Variants in AFF2 observed in about 807,000 individuals in gnomAD.
AFF2 encodes AF4/FMR2 family member 2.
In AFF2, 14 loss-of-function variants were observed where a neutral mutation model predicts 76.9. The ratio of observed to expected loss-of-function variants is 0.18; its 90% confidence interval spans 0.12 to 0.28. The LOEUF (loss-of-function observed/expected upper bound fraction) is 0.28. AFF2 is among the 10% of genes least tolerant of loss of function. The pLI, the probability that AFF2 is intolerant of heterozygous loss-of-function variation, is 1.00. For synonymous variants in AFF2, 398 were observed against 366.7 expected (o/e 1.09, Z -0.98); for missense variants, 868 against 1,001.1 (o/e 0.87, Z 1.79).
intron 4 of AFF2, among the ~76,000 whole-genome samples, chrX:148,823,293 A>G (rs781923191): frequency 4.5e-5 from 5 of 111,291 alleles, no homozygotes; most frequent in Non-Finnish European, 9.4e-5. Flanking sequence ...CCCTGCCACT[A>G]CCTTATTCTG....
intron 1 of AFF2, among the ~76,000 whole-genome samples, chrX:148,563,212 G>A (rs782466958): frequency 7.1e-5 from 8 of 112,267 alleles, no homozygotes; most frequent in Non-Finnish European, 1.1e-4. Flanking sequence ...ATGTAGGCAA[G>A]GATCAGACCT....
At chrX:148,825,933 G>A (rs2070383208) in intron 4 of AFF2, among the ~76,000 whole-genome samples, 2 of 109,695 alleles carry the variant, frequency 1.8e-5, no homozygotes, top group Admixed American at 9.8e-5. Flanking sequence ...GGAATCCCAG[G>A]CCTGAGAGAT....
chrX:148,789,349 G>A (rs1301204159), intron 3 of AFF2, among the ~76,000 whole-genome samples: 1 of 111,658 alleles, frequency 9.0e-6, no homozygotes, highest in Non-Finnish European at 1.9e-5. Flanking sequence ...CAAAATCTAT[G>A]TCCCCTGAAT....
chrX:148,574,460 C>A (rs1315856667), intron 1 of AFF2, among the ~76,000 whole-genome samples: 1 of 111,507 alleles, frequency 9.0e-6, no homozygotes, highest in African/African-American at 3.3e-5. Flanking sequence ...TGAGCCATAA[C>A]CACAGCTCTG....
chrX:148,505,840 A>T (rs983908064), intron 1 of AFF2, among the ~76,000 whole-genome samples: 1 of 111,395 alleles, frequency 9.0e-6, no homozygotes, highest in Admixed American at 9.5e-5. Flanking sequence ...TCTTTTTCTG[A>T]TTGCTGTTGG....
At chrX:148,701,464 TCC>T (rs2054799269) in intron 3 of AFF2, among the ~76,000 whole-genome samples, 1 of 111,804 alleles carries the variant, frequency 8.9e-6, no homozygotes, top group Non-Finnish European at 1.9e-5. Flanking sequence ...TGACAAAATT[TCC>T]AGGGAATTTA....
chrX:148,643,781 G>A (rs781866893), intron 1 of AFF2, among the ~76,000 whole-genome samples: 3 of 111,581 alleles, frequency 2.7e-5, no homozygotes, highest in Non-Finnish European at 5.6e-5. Flanking sequence ...GGGGAGAAGC[G>A]AAGTAACATT....
At chrX:148,716,553 G>A (rs2055027267) in intron 3 of AFF2, among the ~76,000 whole-genome samples, 1 of 111,267 alleles carries the variant, frequency 9.0e-6, no homozygotes, top group African/African-American at 3.3e-5. Context: ...CATACAGGGT[G>A]GCAGGCCATT....
In AFF2 at chrX:148,500,828, G is replaced by T; in HGVS notation, c.-270G>T. Reference sequence around the variant, plus strand: ...CTGCCGCCGCAGCGTCGGGTCGCTGGGTGCGCGGGCTACCGCGGACCGAGC... The same window carrying T: ...CTGCCGCCGCAGCGTCGGGTCGCTGTGTGCGCGGGCTACCGCGGACCGAGC... On this transcript the variant is annotated 5_prime_UTR_variant, in exon 1 of 21. Transcript: ENST00000370460. The T allele has an allele frequency of 5.7e-6, 1 of 176,852 alleles. No homozygotes were observed. Among genetic ancestry groups the T allele is most frequent in the Non-Finnish European group, 1.1e-5 (1 of 94,929 alleles). The allele number at this position is 176,852 out of a possible 1,213,427, so 14.6% of individuals were successfully genotyped here.
intron 3 of AFF2, among the ~76,000 whole-genome samples, chrX:148,700,062 G>T (rs1015365895): frequency 1.8e-5 from 2 of 111,483 alleles, no homozygotes; most frequent in Non-Finnish European, 3.8e-5. Context: ...GGTATGTGAT[G>T]TGATTCTCAA....
intron 1 of AFF2, among the ~76,000 whole-genome samples, chrX:148,583,415 C>A (rs2053434481): frequency 9.1e-6 from 1 of 110,491 alleles, no homozygotes; most frequent in Non-Finnish European, 1.9e-5. Flanking sequence ...AGTTTCATAG[C>A]AAAATTGAGC....
chrX:148,655,285 C>CTTT (rs781858368), intron 2 of AFF2, among the ~76,000 whole-genome samples: 23 of 102,187 alleles, frequency 2.3e-4, no homozygotes, highest in Admixed American at 5.4e-4. Flanking sequence ...AAACCTTGTC[C>CTTT]TTTTTTTTTT....
At chrX:148,572,907 T>C (rs782332172) in intron 1 of AFF2, among the ~76,000 whole-genome samples, 2 of 111,349 alleles carry the variant, frequency 1.8e-5, no homozygotes, top group African/African-American at 6.5e-5. Context: ...GTATTATCTA[T>C]GAATTATATC....
At chrX:148,788,342 T>G (rs2069849200) in intron 3 of AFF2, among the ~76,000 whole-genome samples, 1 of 112,433 alleles carries the variant, frequency 8.9e-6, no homozygotes, top group South Asian at 3.7e-4. Flanking sequence ...GCAAGAACAC[T>G]GTACTTACAT....
At chrX:148,828,145 G>A (rs2070411316) in intron 4 of AFF2, among the ~76,000 whole-genome samples, 1 of 112,150 alleles carries the variant, frequency 8.9e-6, no homozygotes, top group Non-Finnish European at 1.9e-5. Flanking sequence ...AAACAGAAGA[G>A]CTGGAAATTC....
chrX:148,868,926 G>A (rs2070939660), intron 7 of AFF2, among the ~76,000 whole-genome samples: 1 of 112,404 alleles, frequency 8.9e-6, no homozygotes, highest in Admixed American at 9.4e-5. Context: ...TCATGGCCTA[G>A]TCACCTCCTA....
chrX:148,732,576 TAA>T (rs782568759), intron 3 of AFF2, among the ~76,000 whole-genome samples: 532 of 51,064 alleles, frequency 0.01, 5 homozygotes, highest in African/African-American at 0.036. Context: ...AAAGTATAAT[TAA>T]AAAAAAAAAA....
intron 13 of AFF2, among the ~76,000 whole-genome samples, chrX:148,963,714 G>A (rs868978533): frequency 1.8e-4 from 20 of 111,508 alleles, no homozygotes; most frequent in Admixed American, 1.6e-3. Flanking sequence ...CATAAATGCC[G>A]TGGGTGGTGG....
intron 1 of AFF2, among the ~76,000 whole-genome samples, chrX:148,581,860 T>C: frequency 8.9e-6 from 1 of 111,998 alleles, no homozygotes; most frequent in East Asian, 2.8e-4. Flanking sequence ...CTAAATACTT[T>C]AATCTAAAGG....
Sources: allele counts gnomAD v4.1 joint callset (sites outside exome capture counted in the v4.1 genomes callset), GRCh38; gene constraint gnomAD v4.1.1; transcripts MANE v1.5; gene names NCBI Gene and HGNC (gene_info 2026-07-23, HGNC 2026-07-21).